PRKD1: variants seen among roughly 807,000 people sequenced by gnomAD.
PRKD1 encodes serine/threonine-protein kinase D1.
PRKD1 carries 63 observed loss-of-function variants against 95.9 expected under a neutral mutation model. The ratio of observed to expected loss-of-function variants is 0.66; its 90% confidence interval spans 0.54 to 0.81. The LOEUF is 0.81. Among genes scored for constraint, PRKD1 ranks in the 30% least tolerant of loss-of-function variants. The pLI is 0.00. For synonymous variants in PRKD1, 425 were observed against 423.1 expected (o/e 1.00, Z -0.05); for missense variants, 1,048 against 1,165.3 (o/e 0.90, Z 1.47).
chr14:29,843,418 G>C (rs1209117166), intron 1 of PRKD1, among the ~76,000 whole-genome samples: 1 of 151,982 alleles, frequency 6.6e-6, no homozygotes, highest in Non-Finnish European at 1.5e-5. Context: ...ATAAGTGCAA[G>C]GTATAAACTA....
intron 4 of PRKD1, among the ~76,000 whole-genome samples, chr14:29,658,255 C>T (rs1387464992): frequency 6.6e-6 from 1 of 152,172 alleles, no homozygotes; most frequent in Non-Finnish European, 1.5e-5. Context: ...GTCTATGCAA[C>T]GTGCATTCAT....
chr14:29,906,284 A>G (rs1243623573), intron 1 of PRKD1, among the ~76,000 whole-genome samples: 4 of 152,178 alleles, frequency 2.6e-5, no homozygotes, highest in Admixed American at 1.3e-4. Flanking sequence ...CATGCCTGCA[A>G]CCCCAGCACT....
chr14:29,763,125 TAAA>T (rs36087571), intron 1 of PRKD1, among the ~76,000 whole-genome samples: 6 of 64,780 alleles, frequency 9.3e-5, no homozygotes, highest in Admixed American at 6.4e-4. Context: ...TCTCTAAAAT[TAAA>T]AAAAAAAAAA....
At chr14:29,672,335 T>C (rs1214756215) in intron 2 of PRKD1, among the ~76,000 whole-genome samples, 2 of 150,116 alleles carry the variant, frequency 1.3e-5, no homozygotes, top group Non-Finnish European at 3.0e-5. Flanking sequence ...AGCGAGACTC[T>C]GTCTCAAAAA....
rs536867859 is a variant in PRKD1, at chr14:29,792,810, G to A, written c.265-67136C>T. On this transcript the variant is annotated intron_variant, in intron 1 of 17. Transcript: ENST00000331968. ...GTAAGTAACATTATGGAAACTAGAC[G>A]GAAAAAATAATTCAAATTGACTTAG... Among the ~76,000 whole-genome samples, 9 of 152,030 alleles carry A rather than the reference G, an allele frequency of 5.9e-5. No individual in the cohort carries two copies. The South Asian group carries it at 6.2e-4, about 11-fold the overall frequency.
rs1051954018 is a variant in PRKD1 at position 29,878,352 on chromosome 14, A to C, written c.264+48897T>G. Among the ~76,000 whole-genome samples the C allele has an allele frequency of 3.8e-3, 575 of 151,588 alleles. 8 individuals are homozygous for C. Among genetic ancestry groups the C allele is most frequent in the African/African-American group, 0.013 (541 of 41,360 alleles). ...TGGAGTTCTAATGACAAAAAAAAAA[A>C]AAAAAAAAAACCTACACACGGAATT... On this transcript the variant is annotated intron_variant, in intron 1 of 17. Coordinates refer to ENST00000331968, the MANE Select transcript of PRKD1 (RefSeq NM_002742.3).
intron 1 of PRKD1, among the ~76,000 whole-genome samples, chr14:29,729,130 A>C (rs1435389158): frequency 6.6e-6 from 1 of 152,094 alleles, no homozygotes; most frequent in Non-Finnish European, 1.5e-5. Flanking sequence ...TACAAATCGC[A>C]TTGTTTAAAA....
chr14:29,612,926 G>A (rs960495351), intron 13 of PRKD1, among the ~76,000 whole-genome samples: 1 of 152,018 alleles, frequency 6.6e-6, no homozygotes, highest in African/African-American at 2.4e-5. Flanking sequence ...GTGAAACCCC[G>A]TCTCTACTAA....
At chr14:29,920,737 G>C (rs1895072268) in intron 1 of PRKD1, among the ~76,000 whole-genome samples, 1 of 152,158 alleles carries the variant, frequency 6.6e-6, no homozygotes. Flanking sequence ...TGACAGATAA[G>C]TGGTAGGTAG....
intron 2 of PRKD1, among the ~76,000 whole-genome samples, chr14:29,667,931 G>T (rs1276929285): frequency 7.5e-5 from 11 of 146,554 alleles, no homozygotes; most frequent in African/African-American, 2.5e-4. Context: ...AGGTAAATTT[G>T]TTTTTTTTTT....
rs1890437060 is a variant in PRKD1 at position 29,810,479 on chromosome 14, A to T, written c.265-84805T>A. On this transcript the variant is annotated intron_variant, in intron 1 of 17. Coordinates refer to ENST00000331968, the MANE Select transcript of PRKD1 (RefSeq NM_002742.3). The stretch of plus-strand genomic sequence containing the variant: ...TCAATCTACATTTACAAACTTTTCA[A>T]ATATTTTATCTAAATGTTTTCTATC... Among the ~76,000 whole-genome samples, 4 of 152,308 alleles carry T rather than the reference A, an allele frequency of 2.6e-5. No individual in the cohort carries two copies. The South Asian group carries it at 8.3e-4, about 32-fold the overall frequency.
At chr14:29,850,428 A>C (rs919258192) in intron 1 of PRKD1, among the ~76,000 whole-genome samples, 1 of 150,728 alleles carries the variant, frequency 6.6e-6, no homozygotes, top group Non-Finnish European at 1.5e-5. Flanking sequence ...GCTGAGAGCC[A>C]AATCAAGAAA....
In PRKD1 at chr14:29,910,755, C is replaced by A. The variant is rs180735322; in HGVS notation, c.264+16494G>T. ...CCAGGGATGTGGGATACACGATTCC[C>A]CCTTTCTTGAAGTGATAGAATCACT... On this transcript the variant is annotated intron_variant, in intron 1 of 17. Transcript: ENST00000331968. Among the ~76,000 whole-genome samples, 765 of 152,202 alleles carry A rather than the reference C, an allele frequency of 5.0e-3. 3 individuals are homozygous for A. Among genetic ancestry groups the A allele is most frequent in the Non-Finnish European group, 5.7e-3 (391 of 68,026 alleles).
At chr14:29,893,996 CACT>C (rs1894030353) in intron 1 of PRKD1, among the ~76,000 whole-genome samples, 1 of 152,208 alleles carries the variant, frequency 6.6e-6, no homozygotes, top group Non-Finnish European at 1.5e-5. Context: ...AGAAGAGAAT[CACT>C]ATGCAAACAT....
At chr14:29,858,283 T>A (rs1230989686) in intron 1 of PRKD1, among the ~76,000 whole-genome samples, 2 of 152,218 alleles carry the variant, frequency 1.3e-5, no homozygotes, top group African/African-American at 2.4e-5. Flanking sequence ...TACTAGAACA[T>A]AAACTCTATG....
At chr14:29,691,136 C>T (rs557025986) in intron 2 of PRKD1, among the ~76,000 whole-genome samples, 28 of 152,248 alleles carry the variant, frequency 1.8e-4, no homozygotes, top group Admixed American at 1.2e-3. Flanking sequence ...AAATGCAGGG[C>T]GAGAAAGAGC....
In PRKD1 at chr14:29,599,655, C is replaced by G; in HGVS notation, c.2067+1G>C. The stretch of plus-strand genomic sequence containing the variant: ...TTTTCCGTCTCTAATTGATTTCTTA[C>G]CTGAGTAATTAAAAACTTCGTTATG... On this transcript the variant is annotated splice_donor_variant, in intron 14 of 17. Coordinates refer to ENST00000331968, the MANE Select transcript of PRKD1 (RefSeq NM_002742.3). LOFTEE classifies it high-confidence loss of function. 1.2e-6 allele frequency: 2 copies of G among 1,607,222 alleles called. No individual in the cohort carries two copies. Among genetic ancestry groups the G allele is most frequent in the Non-Finnish European group, 1.7e-6 (2 of 1,176,854 alleles).
chr14:29,683,144 TGG>T (rs1883630979), intron 2 of PRKD1, among the ~76,000 whole-genome samples: 1 of 152,144 alleles, frequency 6.6e-6, no homozygotes, highest in Non-Finnish European at 1.5e-5. Flanking sequence ...GCAGAGAAGA[TGG>T]ACTACAGAGC....
At chr14:29,807,589 G>A (rs1410964484) in intron 1 of PRKD1, among the ~76,000 whole-genome samples, 1 of 151,640 alleles carries the variant, frequency 6.6e-6, no homozygotes, top group Non-Finnish European at 1.5e-5. Flanking sequence ...CTAGAGATGA[G>A]GTTTCGCCAT....
Sources: allele counts gnomAD v4.1 joint callset (sites outside exome capture counted in the v4.1 genomes callset), GRCh38; gene constraint gnomAD v4.1.1; transcripts MANE v1.5; gene names NCBI Gene and HGNC (gene_info 2026-07-23, HGNC 2026-07-21).